Variants in VEGFC observed in about 807,000 individuals in gnomAD.
VEGFC encodes vascular endothelial growth factor C, also known as FLT4 ligand DHM.
A neutral mutation model predicts 46.1 loss-of-function variants in VEGFC; 12 were observed. The observed-to-expected ratio is 0.26, with a 90% confidence interval of 0.17 to 0.42. The LOEUF is 0.42. Among genes scored for constraint, VEGFC ranks in the 10% least tolerant of loss-of-function variants. VEGFC has a pLI of 1.00. For synonymous variants in VEGFC, 232 were observed against 195.5 expected (o/e 1.19, Z -1.56); for missense variants, 488 against 529.4 (o/e 0.92, Z 0.77).
At chr4:176,774,455 G>A (rs1456140119) in intron 1 of VEGFC, among the ~76,000 whole-genome samples, 3 of 152,108 alleles carry the variant, frequency 2.0e-5, no homozygotes, top group Admixed American at 6.6e-5. Flanking sequence ...CTATTATTTC[G>A]TTATGCTAAT....
At chr4:176,789,898 G>A (rs916052651) in intron 1 of VEGFC, among the ~76,000 whole-genome samples, 2 of 152,098 alleles carry the variant, frequency 1.3e-5, no homozygotes, top group Non-Finnish European at 1.5e-5. Context: ...AAAGTTCCTA[G>A]GTGAAAGTTA....
chr4:176,788,309 G>A (rs1480527621), intron 1 of VEGFC, among the ~76,000 whole-genome samples: 4 of 152,282 alleles, frequency 2.6e-5, no homozygotes, highest in South Asian at 2.1e-4. Context: ...GTTTATTTCC[G>A]TTTGTCCCGT....
chr4:176,743,090 G>A (rs954867966), intron 1 of VEGFC, among the ~76,000 whole-genome samples: 1 of 152,056 alleles, frequency 6.6e-6, no homozygotes, highest in Non-Finnish European at 1.5e-5. Context: ...GCCCAGGAAA[G>A]TGAGAAGCAC....
intron 4 of VEGFC, among the ~76,000 whole-genome samples, chr4:176,692,040 G>A (rs181104985): frequency 0.22 from 33,539 of 149,466 alleles, 6,825 homozygotes; most frequent in African/African-American, 0.56. Context: ...GGGGTGAGGG[G>A]CAGCACCTGG....
intron 3 of VEGFC, among the ~76,000 whole-genome samples, chr4:176,719,348 T>A (rs1261333535): frequency 6.6e-6 from 1 of 152,188 alleles, no homozygotes; most frequent in Non-Finnish European, 1.5e-5. Flanking sequence ...ATTAAGAAAT[T>A]TCCTTTTATA....
intron 1 of VEGFC, among the ~76,000 whole-genome samples, chr4:176,768,492 A>ATATATATATATATATG (rs1491487514): frequency 8.0e-5 from 1 of 12,540 alleles, no homozygotes; most frequent in Non-Finnish European, 2.3e-4. Flanking sequence ...TGTTTTATAC[A>ATATATATATATATATG]TATATATATA....
At position 176,792,216 on chromosome 4, in the gene VEGFC, G is replaced by T; in HGVS notation, c.96C>A (p.Phe32Leu). The change falls in exon 1 of 7, where the codon TTC becomes TTA. Residue 32 changes from phenylalanine (F) to leucine (L), a missense_variant. Physicochemically the swap from Phe to Leu is conservative, Grantham distance 22. Transcript: ENST00000618562. This position sits in a 1 kb window ranked among gnomAD's most constrained non-coding sequence, Gnocchi z 6.3. The part of the protein sequence containing the change: ...PREAPAAAAA[F>L]ESGLDLSDAE... ...CGTCCGAGAGGTCGAGTCCGGACTC[G>T]AAGGCGGCGGCGGCGGCGGGCGCCT... is the stretch of plus-strand genomic sequence containing the variant. The T allele has an allele frequency of 6.4e-7, 1 of 1,564,428 alleles. No homozygotes were observed. Among genetic ancestry groups the T allele is most frequent in the African/African-American group, 1.4e-5 (1 of 70,802 alleles).
intron 4 of VEGFC, among the ~76,000 whole-genome samples, chr4:176,695,840 A>T (rs1471318427): frequency 6.6e-6 from 1 of 152,186 alleles, no homozygotes; most frequent in East Asian, 1.9e-4. Flanking sequence ...CAAATCAATA[A>T]ATAAATGTAA....
chr4:176,772,550 G>T (rs975298774), intron 1 of VEGFC, among the ~76,000 whole-genome samples: 1 of 152,144 alleles, frequency 6.6e-6, no homozygotes, highest in African/African-American at 2.4e-5. Flanking sequence ...TCACAAATGT[G>T]GTTGCCTCCT....
At chr4:176,775,352 G>A (rs997530811) in intron 1 of VEGFC, among the ~76,000 whole-genome samples, 6 of 152,138 alleles carry the variant, frequency 3.9e-5, no homozygotes, top group Admixed American at 6.6e-5. Context: ...ATCATTTGAT[G>A]TTGATTTTTT....
At chr4:176,701,984 A>G (rs1015801727) in intron 4 of VEGFC, among the ~76,000 whole-genome samples, 4 of 152,148 alleles carry the variant, frequency 2.6e-5, no homozygotes, top group Non-Finnish European at 5.9e-5. Context: ...ATAACCTTCA[A>G]ATTAAAAAGG....
intron 4 of VEGFC, among the ~76,000 whole-genome samples, chr4:176,696,750 G>A (rs996787046): frequency 2.6e-5 from 4 of 152,142 alleles, no homozygotes; most frequent in African/African-American, 9.7e-5. Context: ...CAAGGCTACA[G>A]TAACCAAAAC....
intron 1 of VEGFC, among the ~76,000 whole-genome samples, chr4:176,750,102 C>T (rs1735317622): frequency 6.6e-6 from 1 of 151,478 alleles, no homozygotes; most frequent in Non-Finnish European, 1.5e-5. Context: ...TCAGCAAAAT[C>T]CAAAAGGAAA....
chr4:176,740,989 G>C (rs555046169), intron 1 of VEGFC, among the ~76,000 whole-genome samples: 86 of 151,990 alleles, frequency 5.7e-4, no homozygotes, highest in African/African-American at 2.0e-3. Flanking sequence ...AAACCAAAAA[G>C]AGGAATATAA....
chr4:176,722,260 T>G (rs1734800409), intron 3 of VEGFC, among the ~76,000 whole-genome samples: 1 of 152,080 alleles, frequency 6.6e-6, no homozygotes, highest in African/African-American at 2.4e-5. Context: ...ATATCAACAT[T>G]GTAAATCTAT....
intron 1 of VEGFC, among the ~76,000 whole-genome samples, chr4:176,785,039 G>A: frequency 6.6e-6 from 1 of 152,024 alleles, no homozygotes; most frequent in Admixed American, 6.6e-5. Flanking sequence ...GAAACAAGCA[G>A]AAATATTGGC....
chr4:176,743,607 TATA>T (rs1327475052), intron 1 of VEGFC, among the ~76,000 whole-genome samples: 1 of 150,112 alleles, frequency 6.7e-6, no homozygotes, highest in Non-Finnish European at 1.5e-5. Context: ...TTATGAAATA[TATA>T]ATATTATAGA....
intron 1 of VEGFC, among the ~76,000 whole-genome samples, chr4:176,755,889 G>A (rs1280966610): frequency 6.6e-6 from 1 of 151,922 alleles, no homozygotes; most frequent in African/African-American, 2.4e-5. Flanking sequence ...TTACTGTAAT[G>A]CATTGTCAAC....
At chr4:176,739,334 T>C (rs1026900015) in intron 1 of VEGFC, among the ~76,000 whole-genome samples, 1 of 151,316 alleles carries the variant, frequency 6.6e-6, no homozygotes, top group African/African-American at 2.4e-5. Flanking sequence ...AATCATTATA[T>C]TACAAAATCA....
Sources: allele counts gnomAD v4.1 joint callset (sites outside exome capture counted in the v4.1 genomes callset), GRCh38; gene constraint gnomAD v4.1.1; non-coding constraint Gnocchi (gnomAD v3.1); transcripts MANE v1.5; gene names NCBI Gene and HGNC (gene_info 2026-07-23, HGNC 2026-07-21).